The following IDE variants were observed in gnomAD, a reference collection of about 807,000 sequenced individuals.
IDE encodes insulin-degrading enzyme.
In IDE, 58 loss-of-function variants were observed where a neutral mutation model predicts 133.2. The observed-to-expected ratio is 0.44, with a 90% CI of 0.35 to 0.54. The LOEUF (loss-of-function observed/expected upper bound fraction) is 0.54, where lower values mean the gene tolerates loss of function less well. IDE is among the 20% of genes least tolerant of loss of function. IDE has a pLI of 0.00. For missense variants in IDE, 981 were observed against 1,234.0 expected (o/e 0.79, Z 3.07); for synonymous variants, 396 against 421.3 (o/e 0.94, Z 0.73).
intron 1 of IDE, among the ~76,000 whole-genome samples, chr10:92,547,763 T>C (rs968813947): frequency 6.6e-6 from 1 of 152,160 alleles, no homozygotes; most frequent in Non-Finnish European, 1.5e-5. Flanking sequence ...GTACTTTGCC[T>C]TAGGTGTGAT....
At chr10:92,521,299 A>C (rs1455213192) in intron 4 of IDE, among the ~76,000 whole-genome samples, 2 of 152,190 alleles carry the variant, frequency 1.3e-5, no homozygotes, top group Admixed American at 6.6e-5. Context: ...CTTGTCAAAA[A>C]GTCAAACACA....
chr10:92,490,006 A>T (rs111829973), intron 12 of IDE, among the ~76,000 whole-genome samples: 359 of 152,350 alleles, frequency 2.4e-3, no homozygotes, highest in African/African-American at 8.4e-3. Flanking sequence ...TTGTTTTAAC[A>T]TACCTTTTCT....
chr10:92,544,822 A>G (rs1376666747), intron 1 of IDE, among the ~76,000 whole-genome samples: 1 of 152,242 alleles, frequency 6.6e-6, no homozygotes, highest in Non-Finnish European at 1.5e-5. Context: ...ACCATAATAC[A>G]TGGCAGGATT....
chr10:92,548,796 G>A (rs1842650521), intron 1 of IDE, among the ~76,000 whole-genome samples: 1 of 152,168 alleles, frequency 6.6e-6, no homozygotes, highest in Admixed American at 6.5e-5. Flanking sequence ...AGATGAGCCA[G>A]TGTTTATAGT....
At chr10:92,526,845 C>CAAAAA (rs1165598095) in intron 4 of IDE, among the ~76,000 whole-genome samples, 1 of 54,278 alleles carries the variant, frequency 1.8e-5, no homozygotes, top group Non-Finnish European at 3.7e-5. Flanking sequence ...GGCCCTGTCT[C>CAAAAA]AAAAAAAAAA....
intron 5 of IDE, 67 bp from the exon 6 acceptor site, chr10:92,510,229 A>C: frequency 1.3e-6 from 1 of 784,206 alleles, no homozygotes; most frequent in Non-Finnish European, 2.1e-6. Context: ...GAGTGCTTAA[A>C]ATCTTAGGAT....
intron 18 of IDE, 43 bp from the exon 19 acceptor site, chr10:92,469,033 C>A: frequency 9.1e-7 from 1 of 1,095,382 alleles, no homozygotes; most frequent in Non-Finnish European, 1.4e-6. Context: ...AAAACATAAA[C>A]ATATCTTGTT....
chr10:92,479,612 T>TGTGTGTGTGTGTGTGCGTGA (rs1846489282), intron 14 of IDE, 191 bp from the exon 15 acceptor site: 1 of 142,034 alleles, frequency 7.0e-6, no homozygotes, highest in African/African-American at 2.6e-5. Context: ...TGTGTGTGAG[T>TGTGTGTGTGTGTGTGCGTGA]GTGTGTGTGT....
At chr10:92,455,528 T>C (rs1332899315) in intron 24 of IDE, 48 bp downstream of exon 24, 3 of 1,144,858 alleles carry the variant, frequency 2.6e-6, no homozygotes. Context: ...TTCTTCTAAA[T>C]AGAAAGTCCT....
intron 21 of IDE, 108 bp downstream of exon 21, chr10:92,463,623 C>T: frequency 1.9e-6 from 2 of 1,040,392 alleles, no homozygotes; most frequent in South Asian, 3.0e-5. Context: ...CCCAACTCCC[C>T]AAATAGGTAA....
intron 1 of IDE, among the ~76,000 whole-genome samples, chr10:92,543,790 A>G (rs993819637): frequency 6.6e-6 from 1 of 152,236 alleles, no homozygotes; most frequent in African/African-American, 2.4e-5. Flanking sequence ...CACTTTATAG[A>G]AACGTTATAA....
chr10:92,527,852 T>C (rs987013392), intron 4 of IDE, among the ~76,000 whole-genome samples: 10 of 152,110 alleles, frequency 6.6e-5, no homozygotes, highest in African/African-American at 2.4e-4. Context: ...CCATCTCTAC[T>C]AAAAATACAA....
intron 1 of IDE, among the ~76,000 whole-genome samples, chr10:92,556,420 C>T (rs1034460766): frequency 1.4e-4 from 21 of 151,780 alleles, no homozygotes; most frequent in Admixed American, 5.9e-4. Flanking sequence ...GTCAGGAGTT[C>T]GAGACCAGCC....
At chr10:92,550,312 CA>C (rs1842720387) in intron 1 of IDE, among the ~76,000 whole-genome samples, 2 of 151,932 alleles carry the variant, frequency 1.3e-5, no homozygotes, top group African/African-American at 4.8e-5. Flanking sequence ...AACAAAACAA[CA>C]AAAAATTTCT....
chr10:92,567,799 T>C (rs12255048), intron 1 of IDE, among the ~76,000 whole-genome samples: 12,420 of 152,034 alleles, frequency 0.082, 1,720 homozygotes, highest in African/African-American at 0.28. Context: ...CATAGCAAGA[T>C]CCTGCCTCTA....
intron 4 of IDE, among the ~76,000 whole-genome samples, chr10:92,521,564 G>A (rs1849227363): frequency 6.6e-6 from 1 of 152,008 alleles, no homozygotes; most frequent in African/African-American, 2.4e-5. Flanking sequence ...TGGAGTGGTG[G>A]CTCACTTTGG....
intron 9 of IDE, 122 bp from the exon 10 acceptor site, chr10:92,506,644 T>C: frequency 2.1e-6 from 1 of 477,152 alleles, no homozygotes; most frequent in Non-Finnish European, 3.7e-6. Context: ...TATCACACTT[T>C]CTGAAAAAAT....
At chr10:92,478,771 A>C (rs1819420860) in intron 15 of IDE, 1 of 1,252,870 alleles carries the variant, frequency 8.0e-7, no homozygotes, top group Non-Finnish European at 1.0e-6. Flanking sequence ...AATGGAGAGG[A>C]TCAGCATAAA....
chr10:92,479,537 G>T, intron 14 of IDE, 116 bp from the exon 15 acceptor site: 1 of 784,022 alleles, frequency 1.3e-6, no homozygotes, highest in Non-Finnish European at 2.1e-6. Context: ...TGAGGATATG[G>T]TTGAATTCTT....
Sources: allele counts gnomAD v4.1 joint callset (sites outside exome capture counted in the v4.1 genomes callset), GRCh38; gene constraint gnomAD v4.1.1; transcripts MANE v1.5; gene names NCBI Gene and HGNC (gene_info 2026-07-23, HGNC 2026-07-21).